The following LDHAL6A variants were observed in gnomAD, a reference collection of about 807,000 sequenced individuals.
The protein encoded by LDHAL6A is L-lactate dehydrogenase A-like 6A.
In LDHAL6A, 19 loss-of-function variants were observed where a neutral mutation model predicts 28.2. That is an observed-to-expected ratio of 0.67 (90% CI 0.47 to 0.99). The LOEUF is 0.99. Ranked by LOEUF, LDHAL6A falls within the 50% of genes least tolerant of loss-of-function variation. LDHAL6A has a pLI of 0.00. For missense variants in LDHAL6A, 372 were observed against 398.6 expected (o/e 0.93, Z 0.57); for synonymous variants, 144 against 134.4 (o/e 1.07, Z -0.49).
At position 18,477,640 on chromosome 11, in the gene LDHAL6A, T is replaced by C. The variant is rs768946078; in HGVS notation, c.731T>C (p.Met244Thr). 1 of 1,610,854 alleles carries C rather than the reference T, an allele frequency of 6.2e-7. No individual in the cohort carries two copies. Among genetic ancestry groups the C allele is most frequent in the Non-Finnish European group, 8.5e-7 (1 of 1,179,256 alleles). Residue 244 changes from methionine (M) to threonine (T), a missense_variant, in exon 6 of 7, where the codon ATG becomes ACG. By Grantham distance (81) the Met-to-Thr change is moderately conservative. Around this residue, in one of 3 missense-constraint regions of LDHAL6A, gnomAD observed 291 missense variants for 302.9 expected, o/e 0.96. Coordinates refer to ENST00000280706, the MANE Select transcript of LDHAL6A (RefSeq NM_144972.5). ...VISSGYEMVK[M>T]KGYTSWGISL... is the part of the protein sequence containing the mutation. ...TACAGTGGCTATGAGATGGTCAAAA[T>C]GAAAGGTTATACTTCTTGGGGCATT...
intron 3 of LDHAL6A, among the ~76,000 whole-genome samples, chr11:18,474,706 A>T (rs374588758): frequency 4.6e-5 from 7 of 152,128 alleles, no homozygotes; most frequent in East Asian, 1.9e-4. Context: ...GTTTTAAAAA[A>T]ATATATTTTT....
rs1186877911 is a variant in LDHAL6A, at chr11:18,478,824, A to G, written c.953A>G (p.Lys318Arg). The stretch of plus-strand genomic sequence containing the variant: ...CTTGAAGAGGAGGCCTGCTTGCAAA[A>G]GAGTGCAGAAACACTTTGGGAAATT... ...LTLEEEACLQKSAETLWEIQK... is the reference protein window; with the variant it reads ...LTLEEEACLQRSAETLWEIQK... Residue 318 changes from lysine (K) to arginine (R), a missense_variant, in exon 7 of 7, where the codon AAG (lysine) becomes AGG (arginine). Physicochemically the swap from Lys to Arg is conservative, Grantham distance 26. Coordinates refer to ENST00000280706, the MANE Select transcript of LDHAL6A (RefSeq NM_144972.5). 1.9e-6 allele frequency: 3 copies of G among 1,613,838 alleles called. No individual in the cohort carries two copies. Among genetic ancestry groups the G allele is most frequent in the East Asian group, 2.2e-5 (1 of 44,886 alleles).
chr11:18,473,034 T>C (rs553414732), intron 3 of LDHAL6A, among the ~76,000 whole-genome samples: 22 of 152,258 alleles, frequency 1.4e-4, no homozygotes, highest in East Asian at 1.9e-4. Flanking sequence ...TTGTGAAATA[T>C]TGTCCTACTA....
chr11:18,464,977 G>GTTTGTTTTTTTTTTTTTTTTTTTTTT (rs1849013732), intron 2 of LDHAL6A, among the ~76,000 whole-genome samples: 3 of 125,488 alleles, frequency 2.4e-5, no homozygotes, highest in African/African-American at 6.7e-5. Context: ...TGTTTTTTTT[G>GTTTGTTTTTTTTTTTTTTTTTTTTTT]TTTTTTTTTG....
chr11:18,471,112 TAGTA>T (rs545310199), intron 3 of LDHAL6A, among the ~76,000 whole-genome samples: 88 of 152,308 alleles, frequency 5.8e-4, no homozygotes, highest in South Asian at 4.8e-3. Context: ...AACAAGCAAT[TAGTA>T]AGGGTTTCTT....
intron 2 of LDHAL6A, 104 bp from the exon 3 acceptor site, chr11:18,465,533 C>A: frequency 1.2e-6 from 1 of 858,892 alleles, no homozygotes. Flanking sequence ...TAAGGGAACC[C>A]ACTCTTTGGT....
rs1849346646 is a variant in LDHAL6A at position 18,475,369 on chromosome 11, C to T, written c.419-97C>T. 1.0e-5 allele frequency: 10 copies of T among 973,254 alleles called. No homozygotes were observed. The South Asian group carries it at 1.6e-4, about 16-fold the overall frequency. 60.3% of individuals were successfully genotyped at this position (973,254 alleles called of 1,614,324 possible). A position where few individuals can be genotyped will look rare whatever the true frequency, so the allele number is the denominator to read the frequency against. On this transcript the variant is annotated intron_variant, in intron 3 of 6. Transcript: ENST00000280706. ...AGAGAACCATGTTTCTTGCCTCCTC[C>T]ACAAAACATCAGATTTACTAGTTTT...
intron 1 of LDHAL6A, 117 bp downstream of exon 1, chr11:18,456,923 A>G (rs1848774315): frequency 9.2e-7 from 1 of 1,084,630 alleles, no homozygotes; most frequent in Non-Finnish European, 1.3e-6. Context: ...TGTGAGGGGC[A>G]TCAGAGGAAA....
At chr11:18,464,099 C>A in intron 2 of LDHAL6A, 21 bp downstream of exon 2, 1 of 1,405,998 alleles carries the variant, frequency 7.1e-7, no homozygotes, top group Non-Finnish European at 1.0e-6. Context: ...TAGTTAAATA[C>A]TATAAATATT....
At position 18,464,980 on chromosome 11, in the gene LDHAL6A, T is replaced by TG. The variant is rs1565068700; in HGVS notation, c.245-657_245-656insG. On this transcript the variant is annotated intron_variant, in intron 2 of 6. Transcript: ENST00000280706. ...TAGGAGGTGAGGTGTTTTTTTTGTT[T>TG]TTTTTTGTTTTGTTTTGTTTTGGTT... is the stretch of plus-strand genomic sequence containing the variant. 2.3e-3 allele frequency among the ~76,000 whole-genome samples: 311 copies of TG among 135,858 alleles called. 8 individuals carry two copies. Among genetic ancestry groups the TG allele is most frequent in the African/African-American group, 8.8e-3 (288 of 32,708 alleles). 89.1% of individuals were successfully genotyped at this position (135,858 alleles called of 152,430 possible).
intron 3 of LDHAL6A, chr11:18,469,314 C>T (rs1409689666): frequency 3.0e-5 from 14 of 471,162 alleles, no homozygotes; most frequent in South Asian, 7.8e-5. Context: ...CAAAGTACCG[C>T]GTCATTAAGG....
intron 1 of LDHAL6A, among the ~76,000 whole-genome samples, chr11:18,459,771 A>C (rs1338116400): frequency 6.6e-6 from 1 of 152,142 alleles, no homozygotes; most frequent in Non-Finnish European, 1.5e-5. Context: ...ACGTTTAGTC[A>C]CTGTATCTCC....
At chr11:18,467,701 T>C (rs1202389883) in intron 3 of LDHAL6A, among the ~76,000 whole-genome samples, 1 of 150,374 alleles carries the variant, frequency 6.7e-6, no homozygotes, top group African/African-American at 2.5e-5. Context: ...TTACTAAAAA[T>C]ACAAAAATTA....
At position 18,477,669 on chromosome 11, in the gene LDHAL6A, C is replaced by T. The variant is rs1849422786; in HGVS notation, c.760C>T (p.Leu254=). ...AGGTTATACTTCTTGGGGCATTAGC[C>T]TATCTGTAGCTGATTTAACAGAAAG... ...MKGYTSWGIS[L]SVADLTESIL... is the part of the protein sequence containing the mutation. The change falls in exon 6 of 7, where the codon CTA becomes TTA. Residue 254 remains leucine (L), a synonymous_variant. Coordinates refer to ENST00000280706, the MANE Select transcript of LDHAL6A (RefSeq NM_144972.5). 1 of 1,612,888 alleles carries T rather than the reference C, an allele frequency of 6.2e-7. No individual in the cohort carries two copies. Among genetic ancestry groups the T allele is most frequent in the African/African-American group, 1.3e-5 (1 of 74,992 alleles).
chr11:18,464,578 G>C lies in LDHAL6A; in HGVS notation c.244+500G>C, dbSNP rs577670457. ...AAAAACATAAAAATTAGCCGGGCGT[G>C]GTGGTGCATGCCTGTAACCCCAGCT... On this transcript the variant is annotated intron_variant, in intron 2 of 6. Coordinates refer to ENST00000280706, the MANE Select transcript of LDHAL6A (RefSeq NM_144972.5). Among the ~76,000 whole-genome samples the C allele has an allele frequency of 5.3e-5, 8 of 152,206 alleles. No homozygotes were observed. The South Asian group carries it at 1.7e-3, about 32-fold the overall frequency.
chr11:18,465,509 C>T (rs1371352989), intron 2 of LDHAL6A, 128 bp from the exon 3 acceptor site: 7 of 581,120 alleles, frequency 1.2e-5, no homozygotes, highest in South Asian at 6.2e-5. Context: ...GTAGTCTAGG[C>T]ATACTAGAAG....
In LDHAL6A at chr11:18,464,977, G is replaced by GTTTTTTTTTTTTTTTTTTTTTTTTTT. The variant is rs67628824; in HGVS notation, c.245-651_245-650insTTTTTTTTTTTTTTTTTTTTTTTTTT. ...TTTTAGGAGGTGAGGTGTTTTTTTT[G>GTTTTTTTTTTTTTTTTTTTTTTTTTT]TTTTTTTTTGTTTTGTTTTGTTTTG... On this transcript the variant is annotated intron_variant, in intron 2 of 6. Transcript: ENST00000280706. Among the ~76,000 whole-genome samples the GTTTTTTTTTTTTTTTTTTTTTTTTTT allele has an allele frequency of 9.4e-4, 118 of 125,468 alleles. 5 individuals are homozygous for GTTTTTTTTTTTTTTTTTTTTTTTTTT. The highest frequency in any genetic ancestry group is 1.1e-3 in the African/African-American group (33 of 29,792). 82.3% of individuals were successfully genotyped at this position (125,468 alleles called of 152,430 possible).
chr11:18,461,676 C>A lies in LDHAL6A; in HGVS notation c.127-2285C>A, dbSNP rs188538915. Among the ~76,000 whole-genome samples, 746 of 151,228 alleles carry A rather than the reference C, an allele frequency of 4.9e-3. 6 individuals carry two copies. The highest frequency in any genetic ancestry group is 0.012 in the Admixed American group (185 of 15,210). ...CCAGCCTGGCCAACATGGTGAAACC[C>A]CGTCTCTACTAAAAACACACAAAAA... is the stretch of plus-strand genomic sequence containing the variant. On this transcript the variant is annotated intron_variant, in intron 1 of 6. Coordinates refer to ENST00000280706, the MANE Select transcript of LDHAL6A (RefSeq NM_144972.5).
chr11:18,457,483 A>C (rs1340725146), intron 1 of LDHAL6A, among the ~76,000 whole-genome samples: 5 of 152,072 alleles, frequency 3.3e-5, no homozygotes, highest in Non-Finnish European at 5.9e-5. Flanking sequence ...TATAACCTTT[A>C]ATCCTGGCAT....
Sources: gnomAD v4.1 joint callset for allele counts (sites outside exome capture counted in the v4.1 genomes callset) on GRCh38, gnomAD v4.1.1 for gene constraint, gnomAD v4.1.1 regional missense constraint, MANE v1.5 for transcripts, NCBI Gene and HGNC (gene_info 2026-07-23, HGNC 2026-07-21) for gene names.